The following NRG1 variants were observed in gnomAD, a reference collection of about 807,000 sequenced individuals.
NRG1 encodes pro-neuregulin-1, membrane-bound isoform.
Under a neutral mutation model 63.8 loss-of-function variants are expected in NRG1, and 18 were observed. The observed-to-expected ratio is 0.28, with a 90% confidence interval of 0.19 to 0.42. The LOEUF (loss-of-function observed/expected upper bound fraction) is 0.42. Ranked by LOEUF, NRG1 falls within the 10% of genes least tolerant of loss-of-function variation. The pLI is 1.00. For missense variants in NRG1, 762 were observed against 814.7 expected (o/e 0.94, Z 0.79); for synonymous variants, 302 against 301.3 (o/e 1.00, Z -0.02).
At chr8:32,084,069 A>G (rs1206336306) in intron 1 of NRG1, among the ~76,000 whole-genome samples, 1 of 152,226 alleles carries the variant, frequency 6.6e-6, no homozygotes, top group Non-Finnish European at 1.5e-5. Context: ...CTAGAAAGAA[A>G]AAGACATTTT....
At chr8:32,194,848 C>T (rs1006495430) in intron 1 of NRG1, among the ~76,000 whole-genome samples, 3 of 151,904 alleles carry the variant, frequency 2.0e-5, no homozygotes, top group Non-Finnish European at 4.4e-5. Flanking sequence ...CCGATGACTA[C>T]TGCAAGGATG....
chr8:31,853,870 CAT>C (rs1281302459), intron 1 of NRG1, among the ~76,000 whole-genome samples: 1 of 152,016 alleles, frequency 6.6e-6, no homozygotes, highest in African/African-American at 2.4e-5. Flanking sequence ...TTGAGATAAT[CAT>C]GTGGTATTTG....
At chr8:32,493,340 G>T (rs1826821615) in intron 1 of NRG1, among the ~76,000 whole-genome samples, 1 of 152,118 alleles carries the variant, frequency 6.6e-6, no homozygotes, top group East Asian at 1.9e-4. Context: ...ACTCACTGGG[G>T]CATGCTCCCT....
At chr8:32,684,567 AT>A (rs1475858990) in intron 5 of NRG1, among the ~76,000 whole-genome samples, 1 of 152,076 alleles carries the variant, frequency 6.6e-6, no homozygotes, top group Non-Finnish European at 1.5e-5. Context: ...TTTTTCACAA[AT>A]TTTTTACTAT....
chr8:32,056,192 CAG>C (rs758971221), intron 1 of NRG1, among the ~76,000 whole-genome samples: 11 of 152,056 alleles, frequency 7.2e-5, no homozygotes, highest in Admixed American at 5.9e-4. Context: ...AGATTAGTGA[CAG>C]GGGATGCCAA....
At chr8:32,405,460 A>T (rs986060985) in intron 1 of NRG1, among the ~76,000 whole-genome samples, 9 of 152,214 alleles carry the variant, frequency 5.9e-5, no homozygotes, top group African/African-American at 2.2e-4. Context: ...GGAGAAATTT[A>T]TATCTGTTAT....
At chr8:32,196,633 A>G (rs916850862) in intron 1 of NRG1, among the ~76,000 whole-genome samples, 15 of 152,204 alleles carry the variant, frequency 9.9e-5, no homozygotes, top group South Asian at 2.1e-4. Flanking sequence ...CTTAGTTTCC[A>G]AATGATGGAT....
chr8:32,336,641 G>A (rs1031670574), intron 1 of NRG1, among the ~76,000 whole-genome samples: 6 of 152,178 alleles, frequency 3.9e-5, no homozygotes, highest in African/African-American at 4.8e-5. Context: ...ACAAAGTCTT[G>A]CTCTGTCACC....
At chr8:32,085,945 G>A (rs1315832669) in intron 1 of NRG1, among the ~76,000 whole-genome samples, 1 of 152,166 alleles carries the variant, frequency 6.6e-6, no homozygotes, top group Non-Finnish European at 1.5e-5. Context: ...CCTATGCTTT[G>A]CCTCTTAGCC....
intron 1 of NRG1, among the ~76,000 whole-genome samples, chr8:32,456,898 G>A (rs929785157): frequency 1.3e-5 from 2 of 152,112 alleles, no homozygotes; most frequent in African/African-American, 4.8e-5. Context: ...TTGGGAGGCC[G>A]AGGAGGGTGG....
intron 4 of NRG1, among the ~76,000 whole-genome samples, chr8:32,615,185 T>C (rs1427430078): frequency 1.3e-5 from 2 of 152,292 alleles, no homozygotes; most frequent in South Asian, 2.1e-4. Context: ...CCATAATTCA[T>C]TGATTTCTTC....
intron 1 of NRG1, among the ~76,000 whole-genome samples, chr8:32,275,730 G>C (rs772146959): frequency 1.1e-4 from 16 of 151,978 alleles, no homozygotes; most frequent in Non-Finnish European, 1.9e-4. Flanking sequence ...ATCCCCCAGG[G>C]ATCTTGTGAA....
At chr8:32,370,175 T>C (rs1808621072) in intron 1 of NRG1, among the ~76,000 whole-genome samples, 1 of 152,152 alleles carries the variant, frequency 6.6e-6, no homozygotes, top group African/African-American at 2.4e-5. Context: ...ATTTGTTTTT[T>C]CCTAAGTAAG....
chr8:32,381,403 A>C (rs979414516), intron 1 of NRG1, among the ~76,000 whole-genome samples: 4 of 152,088 alleles, frequency 2.6e-5, no homozygotes, highest in African/African-American at 9.7e-5. Flanking sequence ...TCGTTTGCTG[A>C]CTGTTTGGAA....
chr8:32,121,211 T>C (rs1440156781), intron 1 of NRG1, among the ~76,000 whole-genome samples: 2 of 151,870 alleles, frequency 1.3e-5, no homozygotes, highest in Non-Finnish European at 2.9e-5. Flanking sequence ...ACAGCTAAGG[T>C]TTTTGTTTTG....
chr8:31,749,579 CTTAA>C (rs1816237977), intron 1 of NRG1, among the ~76,000 whole-genome samples: 1 of 151,742 alleles, frequency 6.6e-6, no homozygotes, highest in Non-Finnish European at 1.5e-5. Flanking sequence ...TTTTATCTTT[CTTAA>C]TTCAATTTTT....
intron 1 of NRG1, among the ~76,000 whole-genome samples, chr8:32,493,731 A>T (rs986929412): frequency 6.6e-6 from 1 of 152,208 alleles, no homozygotes; most frequent in African/African-American, 2.4e-5. Context: ...ATAAATGCAA[A>T]TACGCCAGTT....
At chr8:32,260,387 G>A (rs780357731) in intron 1 of NRG1, among the ~76,000 whole-genome samples, 11 of 152,182 alleles carry the variant, frequency 7.2e-5, no homozygotes, top group Non-Finnish European at 1.5e-4. Flanking sequence ...CAACTTTAGA[G>A]CAAGTGCCAG....
At chr8:32,001,817 A>C (rs1224334465) in intron 1 of NRG1, among the ~76,000 whole-genome samples, 4 of 151,992 alleles carry the variant, frequency 2.6e-5, no homozygotes, top group Non-Finnish European at 1.5e-5. Context: ...TATCAAGTAT[A>C]CATATTATCA....
Sources: gnomAD v4.1 joint callset for allele counts (sites outside exome capture counted in the v4.1 genomes callset) on GRCh38, gnomAD v4.1.1 for gene constraint, MANE v1.5 for transcripts, NCBI Gene and HGNC (gene_info 2026-07-23, HGNC 2026-07-21) for gene names.